The following CSGALNACT1 variants were observed in gnomAD, a reference collection of about 807,000 sequenced individuals.
CSGALNACT1 encodes the protein beta4GalNAcT-1.
In CSGALNACT1, 52 loss-of-function variants were observed where a neutral mutation model predicts 51.0. The observed-to-expected ratio is 1.02, with a 90% CI of 0.82 to 1.29. The LOEUF is 1.29. Ranked by LOEUF, CSGALNACT1 falls within the 50% of genes most tolerant of loss-of-function variation. The pLI is 0.00. For synonymous variants in CSGALNACT1, 341 were observed against 254.4 expected, an observed-to-expected ratio of 1.34 and a Z score of -3.24; for missense variants, 935 against 679.2, an observed-to-expected ratio of 1.38 and a Z score of -4.19.
chr8:19,407,307 G>A (rs1025914064), intron 9 of CSGALNACT1, among the ~76,000 whole-genome samples: 9 of 152,074 alleles, frequency 5.9e-5, no homozygotes, highest in East Asian at 1.9e-4. Context: ...TTTAAAGTGA[G>A]TAGCTTTAGG....
At chr8:19,445,527 G>A (rs1285630289) in intron 5 of CSGALNACT1, among the ~76,000 whole-genome samples, 1 of 152,180 alleles carries the variant, frequency 6.6e-6, no homozygotes, top group African/African-American at 2.4e-5. Flanking sequence ...CTACCTCCAA[G>A]GTTCCGTTGC....
intron 3 of CSGALNACT1, among the ~76,000 whole-genome samples, chr8:19,524,570 G>C (rs962727766): frequency 1.3e-5 from 2 of 151,968 alleles, no homozygotes; most frequent in Non-Finnish European, 2.9e-5. Flanking sequence ...CCATATAGTA[G>C]GAAGAGTTGG....
chr8:19,667,540 T>C (rs570217793), intron 1 of CSGALNACT1, among the ~76,000 whole-genome samples: 1 of 151,994 alleles, frequency 6.6e-6, no homozygotes, highest in Admixed American at 6.5e-5. Flanking sequence ...TGAACTGCAA[T>C]GAGAGAGTCA....
At chr8:19,513,415 ACT>A (rs1409555325) in intron 3 of CSGALNACT1, among the ~76,000 whole-genome samples, 1 of 111,498 alleles carries the variant, frequency 9.0e-6, no homozygotes, top group Admixed American at 9.9e-5. Context: ...TCTCTCTCTC[ACT>A]CTCTCTCTCT....
At chr8:19,539,350 A>C (rs1302578879) in intron 3 of CSGALNACT1, among the ~76,000 whole-genome samples, 1 of 152,184 alleles carries the variant, frequency 6.6e-6, no homozygotes, top group Admixed American at 6.5e-5. Flanking sequence ...ATCTGAAATT[A>C]ATCTTATTAA....
intron 4 of CSGALNACT1, among the ~76,000 whole-genome samples, chr8:19,470,791 A>G (rs2067961334): frequency 6.6e-6 from 1 of 152,168 alleles, no homozygotes. Flanking sequence ...TGTCCTGGGA[A>G]CATGTGTTAA....
rs2070346428 is a variant in CSGALNACT1, at chr8:19,478,307, GGGAGGCTGA to G, written c.635-19674_635-19666del. 4.0e-5 allele frequency among the ~76,000 whole-genome samples: 6 copies of G among 151,342 alleles called. No individual in the cohort carries two copies. In the South Asian group the frequency reaches 1.3e-3, roughly 32 times the overall value. On this transcript the variant is annotated intron_variant, in intron 4 of 9. Coordinates refer to ENST00000454498, the Ensembl canonical transcript of CSGALNACT1. The stretch of plus-strand genomic sequence containing the variant: ...CGGGCACCTGTAGTCCCAGCTACTC[GGGAGGCTGA>G]GGCAGGAGAATGGCCTCAACCCAGG...
intron 1 of CSGALNACT1, among the ~76,000 whole-genome samples, chr8:19,727,335 TGG>T (rs2063457488): frequency 1.7e-5 from 1 of 57,504 alleles, no homozygotes; most frequent in Non-Finnish European, 3.6e-5. Flanking sequence ...TGATTTGGTT[TGG>T]TTTGGTTTGG....
At chr8:19,479,123 G>T (rs1324140709) in intron 4 of CSGALNACT1, among the ~76,000 whole-genome samples, 2 of 152,204 alleles carry the variant, frequency 1.3e-5, no homozygotes, top group Non-Finnish European at 1.5e-5. Context: ...AAGCAGACTT[G>T]AAAGAAATAG....
chr8:19,463,650 T>C (rs140500261), intron 4 of CSGALNACT1, among the ~76,000 whole-genome samples: 3 of 152,318 alleles, frequency 2.0e-5, no homozygotes, highest in African/African-American at 7.2e-5. Flanking sequence ...AACAGCATCA[T>C]TTCGTGCACT....
intron 3 of CSGALNACT1, among the ~76,000 whole-genome samples, chr8:19,565,789 T>C (rs548923505): frequency 4.9e-4 from 75 of 152,258 alleles, no homozygotes; most frequent in African/African-American, 1.6e-3. Flanking sequence ...TGCACATCTG[T>C]AATCCCAGCT....
chr8:19,509,671 C>T lies in CSGALNACT1; in HGVS notation c.-296-3541G>A, dbSNP rs555016143. ...AAATGGGTGTCACCACCTCTGCCAC[C>T]TTCAGGAAAAAAACACCTTGATGAG... On this transcript the variant is annotated intron_variant, in intron 3 of 9. Coordinates refer to ENST00000454498, the Ensembl canonical transcript of CSGALNACT1. Among the ~76,000 whole-genome samples, 21 of 150,598 alleles carry T rather than the reference C, an allele frequency of 1.4e-4. No homozygotes were observed. In the South Asian group the frequency reaches 3.4e-3, roughly 24 times the overall value.
intron 5 of CSGALNACT1, among the ~76,000 whole-genome samples, chr8:19,445,070 CA>C (rs1450279982): frequency 6.6e-6 from 1 of 152,158 alleles, no homozygotes; most frequent in Non-Finnish European, 1.5e-5. Context: ...GATTTAAAAG[CA>C]GACAAAGGAC....
At chr8:19,595,773 A>G (rs1462020856) in intron 2 of CSGALNACT1, among the ~76,000 whole-genome samples, 1 of 150,946 alleles carries the variant, frequency 6.6e-6, no homozygotes, top group Non-Finnish European at 1.5e-5. Flanking sequence ...TCTACCCTCC[A>G]CTCTAATTTT....
At chr8:19,729,219 C>A (rs910370975) in intron 1 of CSGALNACT1, among the ~76,000 whole-genome samples, 1 of 151,844 alleles carries the variant, frequency 6.6e-6, no homozygotes, top group African/African-American at 2.4e-5. Flanking sequence ...CACATTAAAC[C>A]AAAGGAATTA....
chr8:19,570,656 C>T (rs1456568185), intron 3 of CSGALNACT1, among the ~76,000 whole-genome samples: 2 of 152,142 alleles, frequency 1.3e-5, no homozygotes, highest in Non-Finnish European at 2.9e-5. Flanking sequence ...AATGCCAGCA[C>T]TTTGGGAGGC....
rs559220748 is a variant in CSGALNACT1, at chr8:19,645,717, G to A, written c.-544+36756C>T. Reference sequence around the variant, plus strand: ...GCACTGCCTGACTTGCAAGCACAGGGGGAAAGCTGTGATTGATGTTGGCAG... The same window carrying A: ...GCACTGCCTGACTTGCAAGCACAGGAGGAAAGCTGTGATTGATGTTGGCAG... On this transcript the variant is annotated intron_variant, in intron 1 of 9. Transcript: ENST00000332246. Among the ~76,000 whole-genome samples the A allele has an allele frequency of 9.5e-4, 144 of 152,190 alleles. 1 individual carries two copies. Among genetic ancestry groups the A allele is most frequent in the Non-Finnish European group, 1.7e-3 (113 of 68,042 alleles).
At chr8:19,666,831 G>GAGAGAGAGAGAA (rs1554794476) in intron 1 of CSGALNACT1, among the ~76,000 whole-genome samples, 17 of 24,932 alleles carry the variant, frequency 6.8e-4, no homozygotes, top group East Asian at 1.5e-3. Flanking sequence ...GAGAGAGAGA[G>GAGAGAGAGAGAA]AGAAAGAAAG....
At chr8:19,562,511 C>G (rs1429886517) in intron 3 of CSGALNACT1, among the ~76,000 whole-genome samples, 2 of 147,898 alleles carry the variant, frequency 1.4e-5, no homozygotes, top group African/African-American at 5.0e-5. Flanking sequence ...ACCATCAGAG[C>G]AAACAGACAA....
Sources: allele counts gnomAD v4.1 joint callset (sites outside exome capture counted in the v4.1 genomes callset), GRCh38; gene constraint gnomAD v4.1.1; transcripts MANE v1.5; gene names NCBI Gene and HGNC (gene_info 2026-07-23, HGNC 2026-07-21).